NUP160: variants seen among roughly 807,000 people sequenced by gnomAD.
The protein encoded by NUP160 is nucleoporin 160.
NUP160 carries 94 observed loss-of-function variants against 196.9 expected under a neutral mutation model. The ratio of observed to expected loss-of-function variants is 0.48; its 90% CI spans 0.40 to 0.57. NUP160 has a LOEUF of 0.57. NUP160 is among the 20% of genes least tolerant of loss of function. NUP160 has a pLI of 0.00. For missense variants in NUP160, 1,638 were observed against 1,748.3 expected, an observed-to-expected ratio of 0.94 and a Z score of 1.13; for synonymous variants, 605 against 619.7, an observed-to-expected ratio of 0.98 and a Z score of 0.35.
At chr11:47,830,394 A>C (rs1441406888) in intron 7 of NUP160, among the ~76,000 whole-genome samples, 1 of 152,246 alleles carries the variant, frequency 6.6e-6, no homozygotes, top group Non-Finnish European at 1.5e-5. Flanking sequence ...TCATTCTACC[A>C]TAAAGACAAA....
chr11:47,806,788 TATAC>T (rs1420783881), intron 19 of NUP160, among the ~76,000 whole-genome samples: 3,176 of 104,718 alleles, frequency 0.03, 51 homozygotes, highest in Admixed American at 0.048. Flanking sequence ...GGAAAGCAGC[TATAC>T]ACACACACAC....
chr11:47,824,050 T>TAG (rs1303542292), intron 7 of NUP160, among the ~76,000 whole-genome samples: 3 of 99,078 alleles, frequency 3.0e-5, no homozygotes, highest in Non-Finnish European at 6.1e-5. Flanking sequence ...TATATATATA[T>TAG]ATACACACAC....
exon 34 of NUP160, chr11:47,783,168 A>G: frequency 6.2e-7 from 1 of 1,613,846 alleles, no homozygotes; most frequent in South Asian, 1.1e-5. Flanking sequence ...TAGTTTAAGT[A>G]TAAACGAAGC....
At chr11:47,837,481 T>A in intron 5 of NUP160, 64 bp downstream of exon 5, 1 of 1,233,730 alleles carries the variant, frequency 8.1e-7, no homozygotes, top group Non-Finnish European at 1.2e-6. Context: ...AAACAATAAC[T>A]GCCGACCAGT....
chr11:47,799,360 A>C (rs1175863587), intron 23 of NUP160, among the ~76,000 whole-genome samples: 1 of 152,130 alleles, frequency 6.6e-6, no homozygotes, highest in Non-Finnish European at 1.5e-5. Context: ...TGCTAAGGTT[A>C]CAGGCGTGAG....
At chr11:47,795,227 T>C (rs2097670234) in intron 27 of NUP160, among the ~76,000 whole-genome samples, 1 of 152,232 alleles carries the variant, frequency 6.6e-6, no homozygotes, top group Admixed American at 6.5e-5. Flanking sequence ...AAAATTCTTT[T>C]AGTTTTCAAA....
chr11:47,818,559 C>T (rs192593201), intron 10 of NUP160, among the ~76,000 whole-genome samples: 2 of 146,478 alleles, frequency 1.4e-5, no homozygotes, highest in Admixed American at 1.3e-4. Context: ...CAAAACAAAA[C>T]AAAACAAACA....
exon 27 of NUP160, chr11:47,797,799 T>C (rs764035568): frequency 7.4e-6 from 12 of 1,612,454 alleles, no homozygotes; most frequent in East Asian, 6.7e-5. Flanking sequence ...ATTGTGGCGA[T>C]AGATGTGAAA....
chr11:47,778,150 A>G (rs2097658634), exon 36 of NUP160: 1 of 151,312 alleles, frequency 6.6e-6, no homozygotes, highest in African/African-American at 2.4e-5. Context: ...TAAATATGGT[A>G]TTGAAAGTAT....
chr11:47,789,649 T>C (rs2097666754), intron 29 of NUP160, among the ~76,000 whole-genome samples: 1 of 151,894 alleles, frequency 6.6e-6, no homozygotes, highest in South Asian at 2.1e-4. Flanking sequence ...AACTTTACAA[T>C]ATTTTTACAG....
intron 17 of NUP160, among the ~76,000 whole-genome samples, chr11:47,810,362 T>C (rs1350696332): frequency 2.0e-5 from 3 of 151,970 alleles, no homozygotes; most frequent in Non-Finnish European, 4.4e-5. Flanking sequence ...CATGCCCGGC[T>C]AATTTTTGTA....
chr11:47,826,862 C>T (rs1043573835), intron 7 of NUP160, among the ~76,000 whole-genome samples: 10 of 152,100 alleles, frequency 6.6e-5, no homozygotes, highest in African/African-American at 2.4e-4. Flanking sequence ...TGCACCCAGC[C>T]CCAAACCCTT....
At chr11:47,810,548 CTTT>C (rs747018018) in intron 17 of NUP160, among the ~76,000 whole-genome samples, 9 of 139,390 alleles carry the variant, frequency 6.5e-5, no homozygotes, top group Non-Finnish European at 6.3e-5. Flanking sequence ...TTTATAATTT[CTTT>C]TTTTTTTTTT....
At chr11:47,840,727 GC>G (rs1349325202) in intron 2 of NUP160, 139 bp from the exon 3 acceptor site, 10 of 583,996 alleles carry the variant, frequency 1.7e-5, no homozygotes, top group African/African-American at 1.5e-4. Context: ...ACTTTTGCAT[GC>G]CAAATCACAT....
chr11:47,836,311 A>G (rs566534848), intron 6 of NUP160, among the ~76,000 whole-genome samples: 1 of 152,328 alleles, frequency 6.6e-6, no homozygotes, highest in South Asian at 2.1e-4. Flanking sequence ...TCTGAAACAT[A>G]AGATCAGACT....
At chr11:47,794,899 C>T (rs928497927) in intron 27 of NUP160, among the ~76,000 whole-genome samples, 3 of 151,678 alleles carry the variant, frequency 2.0e-5, no homozygotes, top group South Asian at 2.1e-4. Flanking sequence ...GACGACAGAG[C>T]GGGACTCTGT....
At chr11:47,826,564 C>A (rs1368816201) in intron 7 of NUP160, among the ~76,000 whole-genome samples, 2 of 151,316 alleles carry the variant, frequency 1.3e-5, no homozygotes, top group African/African-American at 2.4e-5. Flanking sequence ...TAAAAATCCC[C>A]CCCCCCTTTT....
At chr11:47,778,759 A>G (rs1168278734) in exon 36 of NUP160, 1 of 188,364 alleles carries the variant, frequency 5.3e-6, no homozygotes. Flanking sequence ...CAGCTACAAC[A>G]AGCCAACAAC....
At chr11:47,822,252 T>C (rs1244502491) in intron 7 of NUP160, 88 bp from the exon 8 acceptor site, 1 of 904,130 alleles carries the variant, frequency 1.1e-6, no homozygotes, top group Middle Eastern at 2.4e-4. Flanking sequence ...CAGAAACCTT[T>C]AAAAAAAAAT....
Sources: allele counts gnomAD v4.1 joint callset (sites outside exome capture counted in the v4.1 genomes callset), GRCh38; gene constraint gnomAD v4.1.1; transcripts MANE v1.5; gene names NCBI Gene and HGNC (gene_info 2026-07-23, HGNC 2026-07-21).